MYO3B: variants seen among roughly 807,000 people sequenced by gnomAD.
The protein encoded by MYO3B is myosin-IIIb.
A neutral mutation model predicts 174.6 loss-of-function variants in MYO3B; 156 were observed. The ratio of observed to expected loss-of-function variants is 0.89; its 90% CI spans 0.78 to 1.02. The LOEUF (loss-of-function observed/expected upper bound fraction) is 1.02. Among genes scored for constraint, MYO3B ranks in the 50% least tolerant of loss-of-function variants. MYO3B has a pLI of 0.00. For missense variants in MYO3B, 1,632 were observed against 1,639.4 expected (o/e 1.00, Z 0.08); for synonymous variants, 563 against 569.1 (o/e 0.99, Z 0.15).
intron 22 of MYO3B, among the ~76,000 whole-genome samples, chr2:170,414,452 G>A (rs975134647): frequency 2.0e-5 from 3 of 152,190 alleles, no homozygotes; most frequent in African/African-American, 7.2e-5. Context: ...CTCCCAAAGT[G>A]TGGGGATTAT....
Position 170,214,737 on chromosome 2 carries a change from G to A in MYO3B, c.435G>A (p.Gln145=). The change falls in exon 5 of 35, where the codon CAG becomes CAA. Residue 145 remains glutamine (Q), a synonymous_variant. Transcript: ENST00000408978. ...YILYGALLGL[Q]HLHNNRIIHR... is the part of the protein sequence containing the mutation. The stretch of plus-strand genomic sequence containing the variant: ...GGTGGGATGCCATGCAGGGCCTTCA[G>A]CATTTGCACAACAACCGAATCATCC... 6.2e-7 allele frequency: 1 copy of A among 1,613,994 alleles called. No individual in the cohort carries two copies. The highest frequency in any genetic ancestry group is 8.5e-7 in the Non-Finnish European group (1 of 1,179,882).
chr2:170,372,680 T>C (rs889397043), intron 9 of MYO3B, among the ~76,000 whole-genome samples: 2 of 152,052 alleles, frequency 1.3e-5, no homozygotes, highest in African/African-American at 4.8e-5. Context: ...AGTACCTAGA[T>C]AAAGGAATGC....
At chr2:170,629,745 G>A (rs1003764636) in intron 32 of MYO3B, among the ~76,000 whole-genome samples, 7 of 152,148 alleles carry the variant, frequency 4.6e-5, no homozygotes, top group African/African-American at 7.2e-5. Context: ...AGCTACTCAC[G>A]AGGCTGAGAC....
intron 32 of MYO3B, among the ~76,000 whole-genome samples, chr2:170,628,751 G>C (rs748082861): frequency 6.6e-6 from 1 of 152,142 alleles, no homozygotes; most frequent in Non-Finnish European, 1.5e-5. Flanking sequence ...AGCCCCCCTA[G>C]AAGTTCACTT....
At chr2:170,584,665 A>G (rs1260934844) in intron 32 of MYO3B, among the ~76,000 whole-genome samples, 1 of 152,204 alleles carries the variant, frequency 6.6e-6, no homozygotes, top group Non-Finnish European at 1.5e-5. Context: ...TGTTAACGTG[A>G]TTAATAAGAC....
intron 28 of MYO3B, among the ~76,000 whole-genome samples, chr2:170,514,667 T>C (rs1055321636): frequency 1.3e-5 from 2 of 152,224 alleles, no homozygotes; most frequent in Non-Finnish European, 2.9e-5. Context: ...AATTACCCAA[T>C]GTCATCCAGC....
At chr2:170,566,019 G>C (rs936954163) in intron 32 of MYO3B, among the ~76,000 whole-genome samples, 9 of 152,100 alleles carry the variant, frequency 5.9e-5, no homozygotes, top group Admixed American at 5.9e-4. Flanking sequence ...CCAAACCTTT[G>C]TTGCAAGAGT....
chr2:170,483,425 C>T (rs1228674269), intron 25 of MYO3B, among the ~76,000 whole-genome samples: 19 of 93,714 alleles, frequency 2.0e-4, no homozygotes, highest in Admixed American at 6.1e-4. Flanking sequence ...CTAGCTCTGT[C>T]GCCCAGGCTG....
At chr2:170,627,734 G>C (rs543955778) in intron 32 of MYO3B, among the ~76,000 whole-genome samples, 3 of 151,300 alleles carry the variant, frequency 2.0e-5, no homozygotes, top group Admixed American at 2.0e-4. Context: ...TTTTGGTGTG[G>C]ATGTCCTTTC....
chr2:170,538,028 T>C (rs2106191120), intron 30 of MYO3B, among the ~76,000 whole-genome samples: 1 of 152,314 alleles, frequency 6.6e-6, no homozygotes, highest in South Asian at 2.1e-4. Flanking sequence ...TTGAAAACTT[T>C]ATCAAAATTA....
intron 7 of MYO3B, chr2:170,334,307 T>G (rs2105534878): frequency 6.6e-6 from 1 of 152,342 alleles, no homozygotes; most frequent in Non-Finnish European, 1.5e-5. Flanking sequence ...GGCAGCAGTA[T>G]GCTGAAATAA....
intron 1 of MYO3B, among the ~76,000 whole-genome samples, chr2:170,179,752 G>T (rs2092374281): frequency 6.6e-6 from 1 of 152,278 alleles, no homozygotes; most frequent in East Asian, 1.9e-4. Context: ...GTGGTATTCT[G>T]TTACAGCAGC....
intron 7 of MYO3B, among the ~76,000 whole-genome samples, chr2:170,280,004 T>C (rs937116405): frequency 1.3e-5 from 2 of 152,200 alleles, no homozygotes; most frequent in Admixed American, 1.3e-4. Context: ...TTGGGTTGAA[T>C]GGTAGTTCTG....
chr2:170,580,712 T>TTTTATATATATATA (rs1553529318), intron 32 of MYO3B, among the ~76,000 whole-genome samples: 2 of 136,058 alleles, frequency 1.5e-5, no homozygotes, highest in African/African-American at 5.5e-5. Flanking sequence ...CCACAAAACC[T>TTTTATATATATATA]TATATATGTG....
At chr2:170,185,941 T>G (rs2092457400) in intron 1 of MYO3B, among the ~76,000 whole-genome samples, 1 of 152,200 alleles carries the variant, frequency 6.6e-6, no homozygotes. Flanking sequence ...TCCAGTTGTT[T>G]GCTATTGGAA....
intron 6 of MYO3B, among the ~76,000 whole-genome samples, chr2:170,219,725 A>G (rs1319026194): frequency 6.6e-6 from 1 of 152,148 alleles, no homozygotes; most frequent in Non-Finnish European, 1.5e-5. Context: ...CTTGCAGGAC[A>G]GTTTGAGGAC....
At chr2:170,185,258 G>A (rs10205983) in intron 1 of MYO3B, among the ~76,000 whole-genome samples, 1 of 151,936 alleles carries the variant, frequency 6.6e-6, no homozygotes, top group Non-Finnish European at 1.5e-5. Flanking sequence ...CCAGACCAAC[G>A]TCCTGGAGAG....
At chr2:170,501,188 CTT>C (rs1687247755) in intron 27 of MYO3B, among the ~76,000 whole-genome samples, 3 of 152,276 alleles carry the variant, frequency 2.0e-5, no homozygotes, top group African/African-American at 7.2e-5. Context: ...TCTTTTCTCT[CTT>C]TTTCTTCACC....
intron 32 of MYO3B, among the ~76,000 whole-genome samples, chr2:170,618,650 G>C (rs927017468): frequency 2.0e-5 from 3 of 152,086 alleles, no homozygotes; most frequent in Admixed American, 6.5e-5. Context: ...GTCCAGGGGG[G>C]TCACCGCCTT....
Sources: allele counts gnomAD v4.1 joint callset (sites outside exome capture counted in the v4.1 genomes callset), GRCh38; gene constraint gnomAD v4.1.1; transcripts MANE v1.5; gene names NCBI Gene and HGNC (gene_info 2026-07-23, HGNC 2026-07-21).